The following RCAN1 variants were observed in gnomAD, a reference collection of about 807,000 sequenced individuals.
RCAN1 encodes calcipressin-1.
RCAN1 carries 11 observed loss-of-function variants against 22.9 expected under a neutral mutation model. The ratio of observed to expected loss-of-function variants is 0.48; its 90% CI spans 0.30 to 0.79. The LOEUF is 0.79. RCAN1 is among the 30% of genes least tolerant of loss of function. RCAN1 has a pLI of 0.06. For missense variants in RCAN1, 291 were observed against 337.8 expected (o/e 0.86, Z 1.09); for synonymous variants, 136 against 142.3 (o/e 0.96, Z 0.32).
At chr21:34,520,866 T>C (rs1016417720) in intron 3 of RCAN1, among the ~76,000 whole-genome samples, 5 of 152,198 alleles carry the variant, frequency 3.3e-5, no homozygotes, top group Admixed American at 1.3e-4. Context: ...GGCCCACATT[T>C]TGGACAAAGA....
chr21:34,588,059 G>A (rs989745496), intron 1 of RCAN1, among the ~76,000 whole-genome samples: 4 of 152,198 alleles, frequency 2.6e-5, no homozygotes, highest in Non-Finnish European at 5.9e-5. Context: ...GGACTTGCCA[G>A]TCACTATAAT....
intron 1 of RCAN1, chr21:34,525,508 C>A: frequency 1.2e-6 from 1 of 859,836 alleles, no homozygotes; most frequent in Non-Finnish European, 1.7e-6. Flanking sequence ...TTTGTATGAC[C>A]TCATCAATAG....
At chr21:34,567,479 C>A (rs1216016582) in intron 1 of RCAN1, among the ~76,000 whole-genome samples, 5 of 150,954 alleles carry the variant, frequency 3.3e-5, no homozygotes, top group Middle Eastern at 6.9e-3. Context: ...TGCTTGAACC[C>A]AGGAGGCGGA....
chr21:34,543,519 TCCAGAACTGTA>T (rs1986007483), intron 1 of RCAN1, among the ~76,000 whole-genome samples: 1 of 152,202 alleles, frequency 6.6e-6, no homozygotes, highest in Non-Finnish European at 1.5e-5. Flanking sequence ...GAGTTTGATC[TCCAGAACTGTA>T]CAGTCATAAA....
At chr21:34,596,896 T>G (rs112728994) in intron 1 of RCAN1, among the ~76,000 whole-genome samples, 3,273 of 152,294 alleles carry the variant, frequency 0.021, 54 homozygotes, top group Non-Finnish European at 0.035. Flanking sequence ...CTGCTCACTG[T>G]GCTGTGCGTT....
intron 1 of RCAN1, among the ~76,000 whole-genome samples, chr21:34,582,800 G>A (rs946653006): frequency 2.7e-4 from 41 of 152,280 alleles, no homozygotes; most frequent in African/African-American, 8.7e-4. Flanking sequence ...GGAGGCTTCC[G>A]CGATAACACA....
At chr21:34,521,215 G>A in intron 3 of RCAN1, 1 of 1,415,510 alleles carries the variant, frequency 7.1e-7, no homozygotes, top group Non-Finnish European at 9.2e-7. Flanking sequence ...CGCAGGCTGT[G>A]CTCAGTGGAC....
chr21:34,611,295 C>A (rs1245146311), intron 1 of RCAN1, among the ~76,000 whole-genome samples: 1 of 152,110 alleles, frequency 6.6e-6, no homozygotes, highest in Non-Finnish European at 1.5e-5. Context: ...AATATTTGTA[C>A]AAACAGAAAA....
At chr21:34,569,059 A>G (rs1316634903) in intron 1 of RCAN1, among the ~76,000 whole-genome samples, 1 of 152,220 alleles carries the variant, frequency 6.6e-6, no homozygotes, top group East Asian at 1.9e-4. Context: ...CACCGCCCCC[A>G]GGATTCAAAT....
intron 1 of RCAN1, among the ~76,000 whole-genome samples, chr21:34,596,568 G>A (rs1000302070): frequency 9.9e-5 from 15 of 152,130 alleles, no homozygotes; most frequent in African/African-American, 3.4e-4. Context: ...ACCACGGCAG[G>A]CTGGGTTCTC....
chr21:34,570,596 C>CT (rs948253816), intron 1 of RCAN1, among the ~76,000 whole-genome samples: 1 of 150,842 alleles, frequency 6.6e-6, no homozygotes, highest in South Asian at 2.1e-4. Flanking sequence ...ATCTAGAACA[C>CT]TTTTTTCTGC....
At chr21:34,599,217 A>G (rs1988257613) in intron 1 of RCAN1, among the ~76,000 whole-genome samples, 3 of 152,326 alleles carry the variant, frequency 2.0e-5, no homozygotes, top group Non-Finnish European at 2.9e-5. Context: ...TATAATAGGG[A>G]AAAAAACCTG....
At chr21:34,573,226 A>G (rs1027467523) in intron 1 of RCAN1, among the ~76,000 whole-genome samples, 1 of 152,186 alleles carries the variant, frequency 6.6e-6, no homozygotes, top group Admixed American at 6.5e-5. Flanking sequence ...AAAGTTCCCA[A>G]CATCCTTTTT....
chr21:34,578,396 C>A (rs1421924638), intron 1 of RCAN1, among the ~76,000 whole-genome samples: 1 of 152,180 alleles, frequency 6.6e-6, no homozygotes, highest in Non-Finnish European at 1.5e-5. Context: ...AGGTCTCCTG[C>A]TGTAAGCAGC....
At chr21:34,612,019 C>T (rs1429217130) in intron 1 of RCAN1, among the ~76,000 whole-genome samples, 2 of 152,174 alleles carry the variant, frequency 1.3e-5, no homozygotes, top group African/African-American at 4.8e-5. Flanking sequence ...CCTCCCTCAT[C>T]CCCATTCTGA....
intron 1 of RCAN1, among the ~76,000 whole-genome samples, chr21:34,532,913 A>T (rs1337858028): frequency 6.6e-6 from 1 of 152,164 alleles, no homozygotes; most frequent in Non-Finnish European, 1.5e-5. Context: ...CATTTAAACA[A>T]ATATTTTTAA....
At chr21:34,569,712 G>A (rs529330749) in intron 1 of RCAN1, among the ~76,000 whole-genome samples, 1 of 152,366 alleles carries the variant, frequency 6.6e-6, no homozygotes, top group South Asian at 2.1e-4. Flanking sequence ...AGCACATCCT[G>A]TGTGCCAGCA....
intron 1 of RCAN1, among the ~76,000 whole-genome samples, chr21:34,567,987 G>A (rs563962500): frequency 2.0e-5 from 3 of 152,304 alleles, no homozygotes; most frequent in East Asian, 1.9e-4. Flanking sequence ...ATAGCTAAGC[G>A]CACAGAAGGG....
At chr21:34,562,105 C>G (rs1986813556) in intron 1 of RCAN1, among the ~76,000 whole-genome samples, 1 of 152,198 alleles carries the variant, frequency 6.6e-6, no homozygotes, top group Non-Finnish European at 1.5e-5. Flanking sequence ...ACAAGCACTT[C>G]AAGAAAATCT....
Sources: gnomAD v4.1 joint callset for allele counts (sites outside exome capture counted in the v4.1 genomes callset) on GRCh38, gnomAD v4.1.1 for gene constraint, MANE v1.5 for transcripts, NCBI Gene and HGNC (gene_info 2026-07-23, HGNC 2026-07-21) for gene names.